Variants in ACBD6 observed in about 807,000 individuals in gnomAD.
ACBD6 encodes acyl-CoA-binding domain-containing protein 6.
Under a neutral mutation model 37.2 loss-of-function variants are expected in ACBD6, and 28 were observed. The ratio of observed to expected loss-of-function variants is 0.75; its 90% CI spans 0.56 to 1.03. The LOEUF is 1.03. Ranked by LOEUF, ACBD6 falls within the 50% of genes least tolerant of loss-of-function variation. The pLI is 0.00. For missense variants in ACBD6, 340 were observed against 337.4 expected, an observed-to-expected ratio of 1.01 and a Z score of -0.06; for synonymous variants, 113 against 126.8, an observed-to-expected ratio of 0.89 and a Z score of 0.73.
intron 6 of ACBD6, among the ~76,000 whole-genome samples, chr1:180,349,572 TA>T (rs201800784): frequency 4.0e-5 from 1 of 25,030 alleles, no homozygotes; most frequent in Non-Finnish European, 9.6e-5. Flanking sequence ...TTCTTTAGTA[TA>T]AAAAAATAAA....
chr1:180,280,078 T>G (rs1649260543), intron 9 of ACBD6, among the ~76,000 whole-genome samples: 1 of 152,328 alleles, frequency 6.6e-6, no homozygotes, highest in South Asian at 2.1e-4. Context: ...GCTCAACAGC[T>G]TCATGTGACC....
intron 4 of ACBD6, among the ~76,000 whole-genome samples, chr1:180,415,289 C>G (rs1459274231): frequency 1.3e-5 from 2 of 151,332 alleles, no homozygotes; most frequent in South Asian, 4.2e-4. Context: ...CCCAGCTACT[C>G]AGGAGGCTGA....
At chr1:180,366,406 A>C (rs1419844834) in intron 6 of ACBD6, among the ~76,000 whole-genome samples, 2 of 152,194 alleles carry the variant, frequency 1.3e-5, no homozygotes, top group African/African-American at 4.8e-5. Flanking sequence ...TTTGTTTTCA[A>C]GCTTACAATA....
Position 180,288,458 on chromosome 1 carries a change from TG to T in ACBD6, c.753del (p.Thr252LeufsTer13). 1 of 1,613,506 alleles carries T rather than the reference TG, an allele frequency of 6.2e-7. No homozygotes were observed. Among genetic ancestry groups the T allele is most frequent in the Non-Finnish European group, 8.5e-7 (1 of 1,179,930 alleles). ...VELLLQSGAD[P>X]TLRDQDGCLP... ...AGGCAGCCATCCTGGTCTCGGAGAGTGGGGTCAGCACCAGACTGGAGCAGCA... is the reference window on the plus strand; with the variant it reads ...AGGCAGCCATCCTGGTCTCGGAGAGTGGGTCAGCACCAGACTGGAGCAGCA... On this transcript the variant is annotated frameshift_variant, in exon 8 of 8. Coordinates refer to ENST00000367595, the MANE Select transcript of ACBD6 (RefSeq NM_032360.4). LOFTEE classifies it high-confidence loss of function.
At chr1:180,291,400 AGCCATTCTAGTTAGGT>A (rs1012018318) in intron 7 of ACBD6, among the ~76,000 whole-genome samples, 1 of 152,190 alleles carries the variant, frequency 6.6e-6, no homozygotes, top group African/African-American at 2.4e-5. Flanking sequence ...AATATTTTTT[AGCCATTCTAGTTAGGT>A]CTATGGTGGC....
chr1:180,370,497 C>T (rs1653221454), intron 6 of ACBD6, among the ~76,000 whole-genome samples: 2 of 152,128 alleles, frequency 1.3e-5, no homozygotes, highest in Admixed American at 6.6e-5. Flanking sequence ...ATTCAAAGAA[C>T]TTACAATCCA....
intron 4 of ACBD6, among the ~76,000 whole-genome samples, chr1:180,423,249 A>G (rs1486819578): frequency 6.6e-6 from 1 of 152,226 alleles, no homozygotes; most frequent in South Asian, 2.1e-4. Context: ...TCAACGTATA[A>G]GTGGACCTAT....
intron 3 of ACBD6, among the ~76,000 whole-genome samples, chr1:180,444,840 G>A (rs1262371433): frequency 6.6e-6 from 1 of 152,136 alleles, no homozygotes; most frequent in African/African-American, 2.4e-5. Flanking sequence ...TAAGTTGTTG[G>A]CTAAATCTTT....
At chr1:180,407,834 G>C (rs1441828447) in intron 5 of ACBD6, among the ~76,000 whole-genome samples, 1 of 152,160 alleles carries the variant, frequency 6.6e-6, no homozygotes, top group Non-Finnish European at 1.5e-5. Context: ...ATTGTATAAA[G>C]TATTATGTGT....
intron 3 of ACBD6, among the ~76,000 whole-genome samples, chr1:180,443,586 C>T (rs757957442): frequency 7.9e-5 from 12 of 151,980 alleles, no homozygotes; most frequent in Non-Finnish European, 1.5e-4. Flanking sequence ...ATAAATGGGA[C>T]GCACCTGCAA....
At chr1:180,398,670 C>T (rs1375103586) in intron 5 of ACBD6, among the ~76,000 whole-genome samples, 1 of 152,100 alleles carries the variant, frequency 6.6e-6, no homozygotes, top group African/African-American at 2.4e-5. Context: ...TTCTCTACTG[C>T]CAGAAAATCT....
At chr1:180,400,823 C>G (rs972821445) in intron 5 of ACBD6, among the ~76,000 whole-genome samples, 3 of 152,098 alleles carry the variant, frequency 2.0e-5, no homozygotes, top group Admixed American at 2.0e-4. Context: ...ACAAACACAC[C>G]TAGACCACTA....
chr1:180,286,510 T>C (rs1424722853), downstream of ACBD6, among the ~76,000 whole-genome samples: 1 of 152,236 alleles, frequency 6.6e-6, no homozygotes, highest in Admixed American at 6.5e-5. Flanking sequence ...AATTAAAAAC[T>C]GAAGGCATCA....
chr1:180,433,375 T>C (rs747542309), intron 3 of ACBD6, among the ~76,000 whole-genome samples: 1 of 151,956 alleles, frequency 6.6e-6, no homozygotes, highest in South Asian at 2.1e-4. Flanking sequence ...AAACTAGGAA[T>C]AGAATAAAAC....
At chr1:180,326,888 A>G (rs1350051370) in intron 6 of ACBD6, among the ~76,000 whole-genome samples, 1 of 152,154 alleles carries the variant, frequency 6.6e-6, no homozygotes, top group Non-Finnish European at 1.5e-5. Flanking sequence ...GACTCTGCCC[A>G]GTGCCCTATC....
intron 6 of ACBD6, among the ~76,000 whole-genome samples, chr1:180,390,254 T>C (rs888279644): frequency 6.6e-6 from 1 of 151,324 alleles, no homozygotes; most frequent in African/African-American, 2.4e-5. Flanking sequence ...ATTTATTAAA[T>C]AGGGAATCCT....
chr1:180,435,308 G>A, intron 3 of ACBD6: 1 of 497,232 alleles, frequency 2.0e-6, no homozygotes, highest in Non-Finnish European at 3.8e-6. Flanking sequence ...GAGTGCAGTG[G>A]CAGGATCTCA....
At chr1:180,467,465 A>C (rs1441754508) in intron 3 of ACBD6, among the ~76,000 whole-genome samples, 4 of 149,956 alleles carry the variant, frequency 2.7e-5, no homozygotes, top group South Asian at 2.1e-4. Flanking sequence ...AAAAAAAAAA[A>C]AAAAAAACAA....
intron 3 of ACBD6, among the ~76,000 whole-genome samples, chr1:180,437,863 C>A (rs138218251): frequency 6.6e-6 from 1 of 152,112 alleles, no homozygotes; most frequent in African/African-American, 2.4e-5. Context: ...GTGAGTCTTG[C>A]AGGTATCTGG....
Sources: allele counts gnomAD v4.1 joint callset (sites outside exome capture counted in the v4.1 genomes callset), GRCh38; gene constraint gnomAD v4.1.1; transcripts MANE v1.5; gene names NCBI Gene and HGNC (gene_info 2026-07-23, HGNC 2026-07-21).